LANCL3: variants seen among roughly 807,000 people sequenced by gnomAD.
The protein encoded by LANCL3 is LanC like family member 3.
LANCL3 carries 19 observed loss-of-function variants against 26.5 expected under a neutral mutation model. The ratio of observed to expected loss-of-function variants is 0.72; its 90% confidence interval spans 0.50 to 1.05. LANCL3 has a LOEUF of 1.05. Among genes scored for constraint, LANCL3 ranks in the 50% least tolerant of loss-of-function variants. The probability of loss-of-function intolerance (pLI) is 0.00; values close to 1 mark genes in which losing one functional copy is unlikely to be tolerated. For missense variants in LANCL3, 318 were observed against 362.7 expected, an observed-to-expected ratio of 0.88 and a Z score of 1.00; for synonymous variants, 160 against 166.6, an observed-to-expected ratio of 0.96 and a Z score of 0.30.
At chrX:37,601,224 C>T (rs1556419984) in intron 1 of LANCL3, among the ~76,000 whole-genome samples, 1 of 111,550 alleles carries the variant, frequency 9.0e-6, no homozygotes, top group African/African-American at 3.3e-5. Flanking sequence ...CTCAGAAAGC[C>T]ACAGCTTTCC....
In LANCL3 at chrX:37,677,680, C is replaced by CT. The variant is rs1185351514; in HGVS notation, c.*1868dup. The CT allele has an allele frequency of 9.0e-6, 1 of 111,464 alleles. No homozygotes were observed. The highest frequency in any genetic ancestry group is 1.9e-5 in the Non-Finnish European group (1 of 53,000). The allele number at this position is 111,464 out of a possible 1,213,427, so 9.2% of individuals were successfully genotyped here. On this transcript the variant is annotated 3_prime_UTR_variant, in exon 5 of 5. Coordinates refer to ENST00000378619, the MANE Select transcript of LANCL3 (RefSeq NM_001170331.2). ...ATATAGGCTGAATATAATAACCATCCTATATACAGAGCTTTATGGAACACA... is the reference window on the plus strand; with the variant it reads ...ATATAGGCTGAATATAATAACCATCCTTATATACAGAGCTTTATGGAACACA...
chrX:37,653,222 C>T (rs1556429762), intron 1 of LANCL3, among the ~76,000 whole-genome samples: 1 of 110,840 alleles, frequency 9.0e-6, no homozygotes, highest in African/African-American at 3.3e-5. Flanking sequence ...AGGGGGAGGG[C>T]ACCACATATA....
chrX:37,628,421 A>G (rs1309983335), intron 1 of LANCL3, among the ~76,000 whole-genome samples: 1 of 111,153 alleles, frequency 9.0e-6, no homozygotes, highest in Non-Finnish European at 1.9e-5. Context: ...ATTAAATGTA[A>G]TGTGTGATTT....
At chrX:37,590,383 A>G (rs782114831) in intron 1 of LANCL3, among the ~76,000 whole-genome samples, 1 of 112,507 alleles carries the variant, frequency 8.9e-6, no homozygotes, top group African/African-American at 3.2e-5. Flanking sequence ...AAAACGGTTA[A>G]TACAGTTAAG....
chrX:37,576,885 C>A (rs1923764276), intron 1 of LANCL3, among the ~76,000 whole-genome samples: 1 of 111,511 alleles, frequency 9.0e-6, no homozygotes, highest in South Asian at 3.8e-4. Flanking sequence ...AGGGCAAGAG[C>A]CCCTAAGGTA....
intron 1 of LANCL3, among the ~76,000 whole-genome samples, chrX:37,601,225 A>G (rs971700895): frequency 2.0e-4 from 22 of 111,799 alleles, no homozygotes; most frequent in African/African-American, 7.1e-4. Context: ...TCAGAAAGCC[A>G]CAGCTTTCCC....
At chrX:37,623,156 TTTCCACTTTATTTTA>T (rs1166725874) in intron 1 of LANCL3, among the ~76,000 whole-genome samples, 2 of 112,226 alleles carry the variant, frequency 1.8e-5, no homozygotes, top group African/African-American at 6.5e-5. Context: ...AGTGCACTTA[TTTCCACTTTATTTTA>T]AGGAGAGCAT....
rs1194185545 is a variant in LANCL3 at position 37,677,960 on chromosome X, T to C, written c.*2147T>C. The C allele has an allele frequency of 4.5e-5, 5 of 112,083 alleles. No homozygotes were observed. Among genetic ancestry groups the C allele is most frequent in the Non-Finnish European group, 9.4e-5 (5 of 53,108 alleles). 9.2% of individuals were successfully genotyped at this position (112,083 alleles called of 1,213,427 possible). A position where few individuals can be genotyped will look rare whatever the true frequency, so the allele number is the denominator to read the frequency against. On this transcript the variant is annotated 3_prime_UTR_variant, in exon 5 of 5. Coordinates refer to ENST00000378619, the MANE Select transcript of LANCL3 (RefSeq NM_001170331.2). ...ACCTGAAACCTAAAGCACTCAGAAC[T>C]GATACTCTAGTTCATTATCATATCA...
chrX:37,676,625 C>T lies in LANCL3; in HGVS notation c.*812C>T, dbSNP rs953604681. The stretch of plus-strand genomic sequence containing the variant: ...TCTATTGTTAGTAATTTTAAAAATG[C>T]CTTTATGTACATAATCTTGATGGAG... On this transcript the variant is annotated 3_prime_UTR_variant, in exon 5 of 5. Coordinates refer to ENST00000378619, the MANE Select transcript of LANCL3 (RefSeq NM_001170331.2). 4 of 111,430 alleles carry T rather than the reference C, an allele frequency of 3.6e-5. No homozygotes were observed. Among genetic ancestry groups the T allele is most frequent in the African/African-American group, 9.8e-5 (3 of 30,681 alleles). The allele number at this position is 111,430 out of a possible 1,213,427, so 9.2% of individuals were successfully genotyped here.
chrX:37,597,119 T>C (rs782287361), intron 1 of LANCL3, among the ~76,000 whole-genome samples: 8 of 112,356 alleles, frequency 7.1e-5, no homozygotes, highest in Non-Finnish European at 1.1e-4. Flanking sequence ...CTTCTTTCAC[T>C]AAGCAAAATG....
intron 1 of LANCL3, among the ~76,000 whole-genome samples, chrX:37,626,415 C>T (rs1241738919): frequency 4.5e-5 from 5 of 112,254 alleles, no homozygotes; most frequent in African/African-American, 1.6e-4. Context: ...AATGAGGTCA[C>T]CAATATGACA....
chrX:37,593,952 T>G (rs1924356993), intron 1 of LANCL3, among the ~76,000 whole-genome samples: 1 of 112,255 alleles, frequency 8.9e-6, no homozygotes, highest in African/African-American at 3.2e-5. Flanking sequence ...ATTAGTAGAA[T>G]AAAGAGTTGA....
intron 1 of LANCL3, among the ~76,000 whole-genome samples, chrX:37,631,656 T>C (rs1925517033): frequency 8.9e-6 from 1 of 111,757 alleles, no homozygotes; most frequent in Admixed American, 9.5e-5. Context: ...GTTGTGTCTT[T>C]GTTCTCGTTG....
At chrX:37,574,242 T>C (rs1389940473) in intron 1 of LANCL3, among the ~76,000 whole-genome samples, 1 of 110,412 alleles carries the variant, frequency 9.1e-6, no homozygotes, top group East Asian at 2.8e-4. Flanking sequence ...AGTAGAAGTT[T>C]TATACCCCAT....
At chrX:37,658,091 G>A (rs1926330396) in intron 2 of LANCL3, among the ~76,000 whole-genome samples, 1 of 111,648 alleles carries the variant, frequency 9.0e-6, no homozygotes. Flanking sequence ...GCCTTTGCTA[G>A]TTCAATACCC....
At chrX:37,605,658 C>T (rs951012487) in intron 1 of LANCL3, among the ~76,000 whole-genome samples, 21 of 111,640 alleles carry the variant, frequency 1.9e-4, no homozygotes, top group African/African-American at 5.9e-4. Context: ...CACAGGTACA[C>T]TCCCCACTTA....
intron 1 of LANCL3, among the ~76,000 whole-genome samples, chrX:37,634,421 C>T (rs1246621064): frequency 4.4e-5 from 5 of 113,075 alleles, no homozygotes; most frequent in African/African-American, 9.6e-5. Context: ...CGCCCTGCTT[C>T]GGCTCGCACA....
chrX:37,669,197 T>TTTTATTTA (rs1202962517), intron 4 of LANCL3, among the ~76,000 whole-genome samples: 1 of 111,320 alleles, frequency 9.0e-6, no homozygotes, highest in East Asian at 2.8e-4. Flanking sequence ...TAGCTTATAA[T>TTTTATTTA]TTTATTTATT....
intron 1 of LANCL3, among the ~76,000 whole-genome samples, chrX:37,627,922 C>T (rs1359389219): frequency 8.9e-6 from 1 of 111,787 alleles, no homozygotes; most frequent in Non-Finnish European, 1.9e-5. Context: ...CTATGTTCCA[C>T]TGACTTGGCT....
Sources: gnomAD v4.1 joint callset for allele counts (sites outside exome capture counted in the v4.1 genomes callset) on GRCh38, gnomAD v4.1.1 for gene constraint, MANE v1.5 for transcripts, NCBI Gene and HGNC (gene_info 2026-07-23, HGNC 2026-07-21) for gene names.